Variants in HNF4G observed in about 807,000 individuals in gnomAD.
HNF4G encodes the protein hepatocyte nuclear factor 4-gamma.
HNF4G carries 21 observed loss-of-function variants against 50.9 expected under a neutral mutation model. The observed-to-expected ratio is 0.41, with a 90% CI of 0.29 to 0.59. The LOEUF (loss-of-function observed/expected upper bound fraction) is 0.59. Ranked by LOEUF, HNF4G falls within the 20% of genes least tolerant of loss-of-function variation. The pLI is 0.26. For missense variants in HNF4G, 527 were observed against 559.4 expected (o/e 0.94, Z 0.58); for synonymous variants, 198 against 185.6 (o/e 1.07, Z -0.54).
intron 1 of HNF4G, among the ~76,000 whole-genome samples, chr8:75,444,346 G>A (rs1447858027): frequency 6.6e-6 from 1 of 151,586 alleles, no homozygotes; most frequent in Non-Finnish European, 1.5e-5. Flanking sequence ...AAAGACCATT[G>A]AGACTAGGAA....
intron 3 of HNF4G, among the ~76,000 whole-genome samples, chr8:75,549,771 C>A (rs934183809): frequency 1.3e-5 from 2 of 152,044 alleles, no homozygotes; most frequent in South Asian, 4.2e-4. Context: ...CCCCCTACCC[C>A]ACAACAGTCC....
intron 1 of HNF4G, among the ~76,000 whole-genome samples, chr8:75,461,576 G>C (rs1811841870): frequency 6.6e-6 from 1 of 152,150 alleles, no homozygotes; most frequent in Non-Finnish European, 1.5e-5. Context: ...GCAACTGTGA[G>C]AGGCCATTAT....
chr8:75,536,261 G>A (rs1459856452), upstream of HNF4G, among the ~76,000 whole-genome samples: 2 of 151,884 alleles, frequency 1.3e-5, no homozygotes, highest in African/African-American at 2.4e-5. Flanking sequence ...TAGAAAATGT[G>A]TGCTACTTAT....
chr8:75,550,864 T>C (rs1441018552), intron 3 of HNF4G, among the ~76,000 whole-genome samples: 7 of 152,178 alleles, frequency 4.6e-5, no homozygotes, highest in Non-Finnish European at 7.4e-5. Flanking sequence ...TTAATGTTGG[T>C]AAACTGTCCC....
intron 2 of HNF4G, among the ~76,000 whole-genome samples, chr8:75,510,563 C>T (rs1451174728): frequency 6.6e-6 from 1 of 152,104 alleles, no homozygotes; most frequent in African/African-American, 2.4e-5. Context: ...ATTTTTACTG[C>T]ACTTTTTCTA....
chr8:75,466,636 CTCCCT>C (rs368808035), intron 1 of HNF4G, among the ~76,000 whole-genome samples: 533 of 38,616 alleles, frequency 0.014, 14 homozygotes, highest in East Asian at 0.025. Flanking sequence ...TTCCTTCCTT[CTCCCT>C]TCCCTTCCCT....
At chr8:75,497,451 C>T (rs563818787) in intron 2 of HNF4G, among the ~76,000 whole-genome samples, 17 of 152,102 alleles carry the variant, frequency 1.1e-4, no homozygotes, top group South Asian at 2.1e-4. Flanking sequence ...TTTGGGAGGC[C>T]GAGGCGGGCA....
At chr8:75,473,729 G>A (rs549996107) in intron 1 of HNF4G, among the ~76,000 whole-genome samples, 36 of 152,226 alleles carry the variant, frequency 2.4e-4, no homozygotes, top group Non-Finnish European at 4.4e-4. Flanking sequence ...TGATTCACTC[G>A]GATTGGAACT....
At chr8:75,454,609 G>T (rs542389876) in intron 1 of HNF4G, among the ~76,000 whole-genome samples, 2 of 152,080 alleles carry the variant, frequency 1.3e-5, no homozygotes, top group African/African-American at 2.4e-5. Context: ...GCTTCTACCC[G>T]CTGTGCTTGC....
rs538174605 is a variant in HNF4G, at chr8:75,457,691, G to T, written c.-143-32398G>T. 5.3e-5 allele frequency among the ~76,000 whole-genome samples: 8 copies of T among 152,230 alleles called. No individual in the cohort carries two copies. In the South Asian group the frequency reaches 1.7e-3, roughly 32 times the overall value. On this transcript the variant is annotated intron_variant, in intron 1 of 10. Coordinates refer to the HNF4G transcript ENST00000354370. ...TTTGCTATAGAGAATACTTCTGAAAGGCATGTGGAATATCTAGGGCAGGCA... is the reference window on the plus strand; with the variant it reads ...TTTGCTATAGAGAATACTTCTGAAATGCATGTGGAATATCTAGGGCAGGCA...
intron 1 of HNF4G, among the ~76,000 whole-genome samples, chr8:75,440,880 C>G (rs1336419936): frequency 6.6e-6 from 1 of 151,878 alleles, no homozygotes; most frequent in Admixed American, 6.6e-5. Flanking sequence ...ATTTTTGAGA[C>G]AGGATCTTGC....
At chr8:75,419,696 T>C (rs935414375) in intron 1 of HNF4G, among the ~76,000 whole-genome samples, 1 of 152,236 alleles carries the variant, frequency 6.6e-6, no homozygotes, top group East Asian at 1.9e-4. Context: ...TCAATGTCAC[T>C]GACAATGTAA....
chr8:75,523,186 C>T (rs187924140), intron 2 of HNF4G, among the ~76,000 whole-genome samples: 7 of 152,066 alleles, frequency 4.6e-5, no homozygotes, highest in African/African-American at 1.7e-4. Context: ...GATCGCGCCA[C>T]TGCACTCCAG....
intron 1 of HNF4G, among the ~76,000 whole-genome samples, chr8:75,428,647 AT>A (rs1563502439): frequency 6.6e-6 from 1 of 152,186 alleles, no homozygotes; most frequent in Non-Finnish European, 1.5e-5. Flanking sequence ...AAAGAGGAAT[AT>A]TTGCAAAGGC....
At chr8:75,412,927 T>A (rs1259375026) in intron 1 of HNF4G, among the ~76,000 whole-genome samples, 12 of 152,194 alleles carry the variant, frequency 7.9e-5, no homozygotes, top group South Asian at 2.1e-4. Flanking sequence ...TAATTATAAT[T>A]AGTATAATAC....
intron 1 of HNF4G, among the ~76,000 whole-genome samples, chr8:75,482,947 G>A (rs1246928345): frequency 6.6e-6 from 1 of 152,002 alleles, no homozygotes; most frequent in Non-Finnish European, 1.5e-5. Flanking sequence ...TCATTTTCTG[G>A]TTAAAATTGT....
intron 1 of HNF4G, among the ~76,000 whole-genome samples, chr8:75,470,896 C>G (rs1812098915): frequency 6.6e-6 from 1 of 152,148 alleles, no homozygotes; most frequent in Non-Finnish European, 1.5e-5. Context: ...TTAAGTCACT[C>G]TAGTCTTTCT....
chr8:75,518,747 T>C (rs574943380), intron 2 of HNF4G, among the ~76,000 whole-genome samples: 2 of 152,142 alleles, frequency 1.3e-5, no homozygotes, highest in East Asian at 1.9e-4. Flanking sequence ...GAAATCTTTT[T>C]TTTTTCCTCC....
chr8:75,529,961 G>C (rs752823960), intron 2 of HNF4G, among the ~76,000 whole-genome samples: 1 of 152,072 alleles, frequency 6.6e-6, no homozygotes, highest in African/African-American at 2.4e-5. Context: ...ATAAGCTGGC[G>C]GTAAGGCCAG....
Sources: allele counts gnomAD v4.1 joint callset (sites outside exome capture counted in the v4.1 genomes callset), GRCh38; gene constraint gnomAD v4.1.1; transcripts MANE v1.5; gene names NCBI Gene and HGNC (gene_info 2026-07-23, HGNC 2026-07-21).